The following SDHC variants were observed in gnomAD, a reference collection of about 807,000 sequenced individuals.
SDHC encodes succinate dehydrogenase cytochrome b560 subunit, mitochondrial.
A neutral mutation model predicts 22.6 loss-of-function variants in SDHC; 11 were observed. The observed-to-expected ratio is 0.49, with a 90% CI of 0.31 to 0.81. SDHC has a LOEUF of 0.81. Among genes scored for constraint, SDHC ranks in the 30% least tolerant of loss-of-function variants. The pLI, the probability that SDHC is intolerant of heterozygous loss-of-function variation, is 0.05. For synonymous variants in SDHC, 80 were observed against 77.8 expected (o/e 1.03, Z -0.15); for missense variants, 160 against 212.0 (o/e 0.75, Z 1.52).
intron 3 of SDHC, among the ~76,000 whole-genome samples, chr1:161,340,327 A>C (rs1671675240): frequency 6.6e-6 from 1 of 150,468 alleles, no homozygotes; most frequent in Non-Finnish European, 1.5e-5. Context: ...AGGAATGCAA[A>C]AGCTGGTGAT....
At chr1:161,334,790 C>A (rs964836777) in intron 3 of SDHC, among the ~76,000 whole-genome samples, 2 of 152,110 alleles carry the variant, frequency 1.3e-5, no homozygotes, top group Admixed American at 6.6e-5. Context: ...TCCCCTTTGC[C>A]GTAAAAGGTA....
At chr1:161,337,666 C>T (rs1442074582) in intron 3 of SDHC, among the ~76,000 whole-genome samples, 2 of 152,050 alleles carry the variant, frequency 1.3e-5, no homozygotes, top group East Asian at 1.9e-4. Flanking sequence ...TGATTTTAAC[C>T]GTTTTTGAAA....
At chr1:161,319,857 A>G (rs1232595925) in intron 1 of SDHC, among the ~76,000 whole-genome samples, 1 of 152,218 alleles carries the variant, frequency 6.6e-6, no homozygotes, top group Non-Finnish European at 1.5e-5. Context: ...GTAGCTGGAC[A>G]TAATGTAATG....
At chr1:161,342,621 ATTC>A (rs1387028540) in intron 4 of SDHC, among the ~76,000 whole-genome samples, 4 of 150,956 alleles carry the variant, frequency 2.6e-5, no homozygotes, top group African/African-American at 9.8e-5. Context: ...GGTTCAAGCT[ATTC>A]TTCTGCCTCA....
At chr1:161,344,741 A>G (rs1319265621) in intron 4 of SDHC, among the ~76,000 whole-genome samples, 3 of 152,218 alleles carry the variant, frequency 2.0e-5, no homozygotes, top group East Asian at 1.9e-4. Flanking sequence ...TAAAATGGGC[A>G]TATTAATAAT....
intron 3 of SDHC, among the ~76,000 whole-genome samples, chr1:161,334,408 A>G (rs139021178): frequency 7.9e-5 from 12 of 151,690 alleles, no homozygotes; most frequent in South Asian, 2.1e-4. Context: ...AGGATAGTCT[A>G]TGTTGTTTTG....
chr1:161,323,831 G>C (rs929841458), intron 2 of SDHC, among the ~76,000 whole-genome samples, 161 bp downstream of exon 2: 2 of 152,066 alleles, frequency 1.3e-5, no homozygotes, highest in African/African-American at 4.8e-5. Context: ...GAGTAGCTGG[G>C]ACTACAGGCG....
At chr1:161,340,288 C>T (rs934888030) in intron 3 of SDHC, among the ~76,000 whole-genome samples, 44 of 146,944 alleles carry the variant, frequency 3.0e-4, no homozygotes, top group African/African-American at 9.3e-4. Context: ...GACCCTGTTC[C>T]GGGGGGGTAA....
At chr1:161,320,354 ATT>A (rs1670796223) in intron 1 of SDHC, among the ~76,000 whole-genome samples, 1 of 152,146 alleles carries the variant, frequency 6.6e-6, no homozygotes, top group East Asian at 1.9e-4. Flanking sequence ...TTATATATCT[ATT>A]TTATTGTTGC....
intron 4 of SDHC, among the ~76,000 whole-genome samples, chr1:161,355,473 T>A (rs1672238121): frequency 6.6e-6 from 1 of 152,232 alleles, no homozygotes; most frequent in Non-Finnish European, 1.5e-5. Context: ...AATTCATCTG[T>A]TTTTTCTTTT....
chr1:161,361,402 A>G (rs192309353), intron 5 of SDHC, among the ~76,000 whole-genome samples: 81 of 152,248 alleles, frequency 5.3e-4, no homozygotes, highest in African/African-American at 1.8e-3. Context: ...ATTGAGAAAT[A>G]GTGTTCTAGA....
At chr1:161,358,565 A>G (rs1354946371) in intron 5 of SDHC, among the ~76,000 whole-genome samples, 2 of 151,878 alleles carry the variant, frequency 1.3e-5, no homozygotes, top group African/African-American at 4.8e-5. Context: ...TGAGCCTGGG[A>G]GGCGGAGGTT....
rs2102371098 is a variant in SDHC at position 161,356,792 on chromosome 1, A to G, written c.357A>G (p.Ala119=). 2 of 1,614,122 alleles carry G rather than the reference A, an allele frequency of 1.2e-6. No individual in the cohort carries two copies. Among genetic ancestry groups the G allele is most frequent in the Non-Finnish European group, 1.7e-6 (2 of 1,180,006 alleles). The change falls in exon 5 of 6, where the codon GCA becomes GCG. Residue 119 remains alanine (A), a synonymous_variant. Transcript: ENST00000367975. ...CACTGATCCACACAGCTAAGTTTGC[A>G]CTTGTCTTCCCTCTCATGTATCATA... is the stretch of plus-strand genomic sequence containing the variant. ...GPALIHTAKF[A]LVFPLMYHTW...
chr1:161,357,543 G>A (rs1438250578), intron 5 of SDHC, among the ~76,000 whole-genome samples: 1 of 150,854 alleles, frequency 6.6e-6, no homozygotes, highest in Non-Finnish European at 1.5e-5. Flanking sequence ...GGGACTACAG[G>A]CGCCTCCCAC....
rs144770080 is a variant in SDHC at position 161,328,377 on chromosome 1, C to T, written c.78-19C>T. On this transcript the variant is annotated intron_variant, in intron 2 of 5. Coordinates refer to ENST00000367975, the MANE Select transcript of SDHC (RefSeq NM_003001.5). ...AAGTTTACTTTTAGTTATTTTCAAA[C>T]GGTCTGGTTTTATTTTAGTGCTGTT... 229 of 1,556,650 alleles carry T rather than the reference C, an allele frequency of 1.5e-4. No homozygotes were observed. The highest frequency in any genetic ancestry group is 5.8e-4 in the African/African-American group (43 of 73,846).
At chr1:161,339,544 C>A in intron 3 of SDHC, 5 of 1,231,912 alleles carry the variant, frequency 4.1e-6, no homozygotes, top group South Asian at 1.3e-5. Context: ...GAGTTATAAT[C>A]ATTTTTTTTT....
intron 3 of SDHC, among the ~76,000 whole-genome samples, chr1:161,337,535 T>C (rs983800060): frequency 6.6e-6 from 1 of 152,220 alleles, no homozygotes; most frequent in African/African-American, 2.4e-5. Flanking sequence ...GGGTAGAGGC[T>C]AAATACTTGC....
chr1:161,317,279 C>T (rs75504721), intron 1 of SDHC, among the ~76,000 whole-genome samples: 17,782 of 151,772 alleles, frequency 0.12, 1,418 homozygotes, highest in African/African-American at 0.22. Flanking sequence ...CCATCCGCCT[C>T]GGCCTCCCAA....
intron 2 of SDHC, 147 bp from the exon 3 acceptor site, chr1:161,328,249 G>A (rs796250971): frequency 4.3e-5 from 29 of 667,684 alleles, no homozygotes; most frequent in African/African-American, 3.4e-4. Context: ...TGATCCGCCC[G>A]CCTCGGCCTC....
Sources: allele counts gnomAD v4.1 joint callset (sites outside exome capture counted in the v4.1 genomes callset), GRCh38; gene constraint gnomAD v4.1.1; transcripts MANE v1.5; gene names NCBI Gene and HGNC (gene_info 2026-07-23, HGNC 2026-07-21).